Variants in CHCHD6 observed in about 807,000 individuals in gnomAD.
CHCHD6 encodes the protein MICOS complex subunit MIC25.
Under a neutral mutation model 32.3 loss-of-function variants are expected in CHCHD6, and 28 were observed. The ratio of observed to expected loss-of-function variants is 0.87; its 90% CI spans 0.64 to 1.19. The LOEUF is 1.19. Ranked by LOEUF, CHCHD6 falls within the 50% of genes most tolerant of loss-of-function variation. The pLI, the probability that CHCHD6 is intolerant of heterozygous loss-of-function variation, is 0.00. For synonymous variants in CHCHD6, 122 were observed against 117.5 expected (o/e 1.04, Z -0.25); for missense variants, 333 against 307.0 (o/e 1.08, Z -0.63).
intron 4 of CHCHD6, among the ~76,000 whole-genome samples, chr3:126,829,954 T>G (rs1378018929): frequency 6.6e-6 from 1 of 152,006 alleles, no homozygotes; most frequent in East Asian, 1.9e-4. Flanking sequence ...AAAAATTAGC[T>G]GGGTGTTGTG....
chr3:126,911,033 G>T (rs2078082344), intron 5 of CHCHD6, among the ~76,000 whole-genome samples: 1 of 152,180 alleles, frequency 6.6e-6, no homozygotes, highest in Non-Finnish European at 1.5e-5. Context: ...AAAACCATAT[G>T]TAAGTATTTT....
intron 5 of CHCHD6, 37 bp downstream of exon 5, chr3:126,852,767 G>A (rs781771291): frequency 7.1e-7 from 1 of 1,417,836 alleles, no homozygotes; most frequent in South Asian, 1.2e-5. Context: ...TCGGGGCCAG[G>A]TCCTAAAGGC....
At chr3:126,901,196 A>C (rs1232809880) in intron 5 of CHCHD6, among the ~76,000 whole-genome samples, 1 of 152,154 alleles carries the variant, frequency 6.6e-6, no homozygotes. Flanking sequence ...TAACTTACTG[A>C]CTGAGAAATG....
intron 5 of CHCHD6, among the ~76,000 whole-genome samples, chr3:126,863,447 C>T (rs1367538555): frequency 1.4e-5 from 2 of 145,342 alleles, no homozygotes; most frequent in Non-Finnish European, 3.0e-5. Context: ...ATCACCTCCT[C>T]CTCCCCCACT....
intron 6 of CHCHD6, among the ~76,000 whole-genome samples, chr3:126,955,859 C>T (rs182425781): frequency 3.4e-4 from 52 of 152,270 alleles, no homozygotes; most frequent in Non-Finnish European, 7.4e-4. Flanking sequence ...CTCCTCCCTG[C>T]TCCCTTTGAC....
intron 1 of CHCHD6, among the ~76,000 whole-genome samples, chr3:126,721,748 A>G (rs979068878): frequency 8.5e-5 from 9 of 105,884 alleles, no homozygotes; most frequent in African/African-American, 3.0e-4. Flanking sequence ...CCCTGTAGCT[A>G]TCAGTCCCCA....
chr3:126,783,977 G>A (rs1938076835), intron 4 of CHCHD6, among the ~76,000 whole-genome samples: 4 of 152,044 alleles, frequency 2.6e-5, no homozygotes, highest in Admixed American at 2.6e-4. Flanking sequence ...AATATGAATG[G>A]GGAGAATCTG....
chr3:126,907,540 C>T (rs2078024244), intron 5 of CHCHD6, among the ~76,000 whole-genome samples: 2 of 152,154 alleles, frequency 1.3e-5, no homozygotes, highest in Admixed American at 1.3e-4. Flanking sequence ...TTCTCCAAAT[C>T]CTGAATATGT....
intron 5 of CHCHD6, among the ~76,000 whole-genome samples, chr3:126,874,198 A>G (rs2077512473): frequency 6.6e-6 from 1 of 152,192 alleles, no homozygotes; most frequent in African/African-American, 2.4e-5. Context: ...TGTGTGCCTT[A>G]CCACTTACTC....
chr3:126,803,748 A>G (rs1180821010), intron 4 of CHCHD6, among the ~76,000 whole-genome samples: 1 of 152,208 alleles, frequency 6.6e-6, no homozygotes, highest in African/African-American at 2.4e-5. Flanking sequence ...ACCCCAGATC[A>G]ACGGAATATA....
intron 4 of CHCHD6, among the ~76,000 whole-genome samples, chr3:126,744,372 A>G (rs978079449): frequency 5.3e-5 from 8 of 152,340 alleles, no homozygotes; most frequent in African/African-American, 1.7e-4. Flanking sequence ...CTGGCAAGGT[A>G]TAGAATCGAA....
chr3:126,919,614 G>C (rs2107593081), intron 6 of CHCHD6, among the ~76,000 whole-genome samples: 1 of 138,352 alleles, frequency 7.2e-6, no homozygotes, highest in South Asian at 2.4e-4. Flanking sequence ...GCATCTGGCT[G>C]GCCTTCATTT....
intron 4 of CHCHD6, among the ~76,000 whole-genome samples, chr3:126,815,655 C>G (rs373060984): frequency 9.5e-5 from 14 of 147,374 alleles, no homozygotes; most frequent in East Asian, 2.0e-4. Flanking sequence ...CCCCCCCCCC[C>G]CATCTGTGTC....
chr3:126,862,424 C>T (rs1327563759), intron 5 of CHCHD6, among the ~76,000 whole-genome samples: 1 of 126,498 alleles, frequency 7.9e-6, no homozygotes, highest in African/African-American at 3.0e-5. Flanking sequence ...TCCACCATCA[C>T]CACCTCCTCC....
intron 5 of CHCHD6, among the ~76,000 whole-genome samples, chr3:126,897,034 T>A (rs919244984): frequency 6.6e-6 from 1 of 152,036 alleles, no homozygotes; most frequent in East Asian, 1.9e-4. Context: ...CTCTCCAACA[T>A]GGATGAGGTG....
At chr3:126,929,469 C>T (rs2078371617) in intron 6 of CHCHD6, among the ~76,000 whole-genome samples, 1 of 152,190 alleles carries the variant, frequency 6.6e-6, no homozygotes. Context: ...GAGTACAGGA[C>T]CTTATGTTTA....
At chr3:126,887,392 G>A (rs951375431) in intron 5 of CHCHD6, among the ~76,000 whole-genome samples, 3 of 152,098 alleles carry the variant, frequency 2.0e-5, no homozygotes, top group African/African-American at 7.2e-5. Flanking sequence ...TTCCTCTGAG[G>A]ATGTCTTGGC....
chr3:126,796,926 C>G (rs765553148), intron 4 of CHCHD6, among the ~76,000 whole-genome samples: 74 of 152,182 alleles, frequency 4.9e-4, no homozygotes, highest in Admixed American at 1.4e-3. Flanking sequence ...GGCCAGGAGG[C>G]CCTTAGGTAG....
intron 4 of CHCHD6, among the ~76,000 whole-genome samples, chr3:126,841,480 A>G (rs1941077736): frequency 6.6e-6 from 1 of 152,194 alleles, no homozygotes; most frequent in Non-Finnish European, 1.5e-5. Context: ...AGAGTGCATT[A>G]TCATTAATCT....
Sources: allele counts gnomAD v4.1 joint callset (sites outside exome capture counted in the v4.1 genomes callset), GRCh38; gene constraint gnomAD v4.1.1; transcripts MANE v1.5; gene names NCBI Gene and HGNC (gene_info 2026-07-23, HGNC 2026-07-21).